The following SNX7 variants were observed in gnomAD, a reference collection of about 807,000 sequenced individuals.
The protein encoded by SNX7 is sorting nexin-7.
In SNX7, 35 loss-of-function variants were observed where a neutral mutation model predicts 48.4. That is an observed-to-expected ratio of 0.72 (90% confidence interval 0.55 to 0.96). The LOEUF (loss-of-function observed/expected upper bound fraction) is 0.96. Among genes scored for constraint, SNX7 ranks in the 40% least tolerant of loss-of-function variants. The pLI is 0.00. For missense variants in SNX7, 553 were observed against 548.9 expected, an observed-to-expected ratio of 1.01 and a Z score of -0.07; for synonymous variants, 190 against 190.2, an observed-to-expected ratio of 1.00 and a Z score of 0.01.
intron 7 of SNX7, among the ~76,000 whole-genome samples, chr1:98,703,059 T>C (rs1651832477): frequency 6.6e-6 from 1 of 152,074 alleles, no homozygotes; most frequent in Non-Finnish European, 1.5e-5. Flanking sequence ...TTGTATATTT[T>C]TCTCTCTCTT....
At chr1:98,666,461 C>A (rs1331180988) in intron 1 of SNX7, among the ~76,000 whole-genome samples, 1 of 152,116 alleles carries the variant, frequency 6.6e-6, no homozygotes, top group African/African-American at 2.4e-5. Context: ...TTCCTCTCCT[C>A]CTGCCTTTGG....
intron 7 of SNX7, among the ~76,000 whole-genome samples, chr1:98,711,984 C>A (rs911796836): frequency 6.6e-6 from 1 of 152,182 alleles, no homozygotes; most frequent in Non-Finnish European, 1.5e-5. Flanking sequence ...AAATCACTTT[C>A]TTTGCTCATC....
intron 7 of SNX7, among the ~76,000 whole-genome samples, chr1:98,734,423 G>A (rs1307690566): frequency 2.6e-5 from 4 of 152,098 alleles, no homozygotes; most frequent in African/African-American, 9.7e-5. Context: ...TATTCAGTCC[G>A]TATGAATAGA....
intron 8 of SNX7, among the ~76,000 whole-genome samples, chr1:98,739,531 A>G (rs1451478347): frequency 1.3e-5 from 2 of 152,172 alleles, no homozygotes; most frequent in Non-Finnish European, 2.9e-5. Context: ...TCCGTTTCTC[A>G]TGTAGTTACA....
chr1:98,677,144 A>C (rs1324483889), intron 1 of SNX7, among the ~76,000 whole-genome samples: 2 of 152,240 alleles, frequency 1.3e-5, no homozygotes, highest in South Asian at 2.1e-4. Flanking sequence ...AGATAACTCA[A>C]ATATTCTATT....
intron 1 of SNX7, among the ~76,000 whole-genome samples, chr1:98,665,928 A>G (rs1649514295): frequency 6.6e-6 from 1 of 152,166 alleles, no homozygotes; most frequent in African/African-American, 2.4e-5. Flanking sequence ...TGAGACATCT[A>G]ACATACACAT....
chr1:98,725,273 T>A (rs1653103687), intron 7 of SNX7, among the ~76,000 whole-genome samples: 1 of 152,216 alleles, frequency 6.6e-6, no homozygotes, highest in South Asian at 2.1e-4. Context: ...CCTTAGGCCA[T>A]CACTGTGTGT....
At chr1:98,756,422 G>GTTTTT (rs35117249) in intron 8 of SNX7, among the ~76,000 whole-genome samples, 1,183 of 54,616 alleles carry the variant, frequency 0.022, 83 homozygotes, top group African/African-American at 0.031. Context: ...TGCCAGATGA[G>GTTTTT]TTTTTTTTTT....
intron 7 of SNX7, among the ~76,000 whole-genome samples, chr1:98,709,342 G>A (rs999856122): frequency 9.2e-5 from 14 of 152,146 alleles, no homozygotes; most frequent in African/African-American, 2.9e-4. Flanking sequence ...AAGAAAAAGC[G>A]AGGCAGCAAT....
chr1:98,693,120 G>A lies in SNX7; in HGVS notation c.639+1421G>A, dbSNP rs373733433. Among the ~76,000 whole-genome samples the A allele has an allele frequency of 5.3e-5, 8 of 152,100 alleles. No homozygotes were observed. The South Asian group carries it at 1.7e-3, about 32-fold the overall frequency. ...TTATTTTGAGTAATAATGGATCAGG[G>A]CTTTTTAAGTTAGGATAAAAGTCCT... On this transcript the variant is annotated intron_variant, in intron 4 of 8. Coordinates refer to ENST00000306121, the MANE Select transcript of SNX7 (RefSeq NM_015976.5).
intron 1 of SNX7, among the ~76,000 whole-genome samples, chr1:98,663,179 T>C (rs1023062858): frequency 1.3e-5 from 2 of 151,804 alleles, no homozygotes; most frequent in African/African-American, 4.8e-5. Context: ...AGTCTATGGT[T>C]ATGCATTGTG....
chr1:98,706,246 G>A (rs536061316), intron 7 of SNX7, among the ~76,000 whole-genome samples: 3 of 152,098 alleles, frequency 2.0e-5, no homozygotes, highest in Non-Finnish European at 2.9e-5. Context: ...AAGCGTGGAG[G>A]AGACAGAGTG....
chr1:98,662,525 G>A (rs1649303046), intron 1 of SNX7: 2 of 471,300 alleles, frequency 4.2e-6, no homozygotes, highest in African/African-American at 2.1e-5. Context: ...CACAGCCAGT[G>A]CTTTCGTTTT....
chr1:98,743,533 G>T (rs905429860), intron 8 of SNX7, among the ~76,000 whole-genome samples: 2 of 151,978 alleles, frequency 1.3e-5, no homozygotes, highest in East Asian at 3.9e-4. Flanking sequence ...TCGTTACAAG[G>T]GTATCTGTCT....
At chr1:98,738,749 C>T (rs1423892411) in intron 8 of SNX7, among the ~76,000 whole-genome samples, 1 of 152,166 alleles carries the variant, frequency 6.6e-6, no homozygotes, top group East Asian at 1.9e-4. Context: ...TCCCTGTCTT[C>T]TGTAGCTATT....
At chr1:98,679,382 A>G (rs1650352194) in intron 1 of SNX7, among the ~76,000 whole-genome samples, 1 of 152,134 alleles carries the variant, frequency 6.6e-6, no homozygotes, top group East Asian at 1.9e-4. Flanking sequence ...TTGAGTGGGG[A>G]CACAGCCAAA....
At chr1:98,696,596 A>G (rs1036769967) in intron 5 of SNX7, among the ~76,000 whole-genome samples, 1 of 152,120 alleles carries the variant, frequency 6.6e-6, no homozygotes, top group African/African-American at 2.4e-5. Context: ...GAAAAAAATT[A>G]TAACTGCATG....
At chr1:98,662,744 C>T (rs1254666616) in intron 1 of SNX7, 3 of 1,289,218 alleles carry the variant, frequency 2.3e-6, no homozygotes, top group South Asian at 2.5e-5. Context: ...TGAGAGAAGA[C>T]CTGAGTTCAG....
chr1:98,755,517 T>A (rs1334870028), intron 8 of SNX7, among the ~76,000 whole-genome samples: 1 of 152,050 alleles, frequency 6.6e-6, no homozygotes, highest in Non-Finnish European at 1.5e-5. Flanking sequence ...CATTATGAAA[T>A]GATCATCTTT....
Sources: gnomAD v4.1 joint callset for allele counts (sites outside exome capture counted in the v4.1 genomes callset) on GRCh38, gnomAD v4.1.1 for gene constraint, MANE v1.5 for transcripts, NCBI Gene and HGNC (gene_info 2026-07-23, HGNC 2026-07-21) for gene names.